CPNE8: variants seen among roughly 807,000 people sequenced by gnomAD.
CPNE8 encodes the protein copine-8.
In CPNE8, 45 loss-of-function variants were observed where a neutral mutation model predicts 81.5. The observed-to-expected ratio is 0.55, with a 90% confidence interval of 0.44 to 0.71. The LOEUF (loss-of-function observed/expected upper bound fraction) is 0.71. Ranked by LOEUF, CPNE8 falls within the 30% of genes least tolerant of loss-of-function variation. The pLI is 0.00. For synonymous variants in CPNE8, 252 were observed against 226.3 expected (o/e 1.11, Z -1.02); for missense variants, 594 against 672.1 (o/e 0.88, Z 1.28).
intron 5 of CPNE8, among the ~76,000 whole-genome samples, chr12:38,838,649 C>T (rs1943422290): frequency 6.6e-6 from 1 of 152,114 alleles, no homozygotes. Context: ...GGTGGCATGG[C>T]AATCACAATG....
intron 6 of CPNE8, among the ~76,000 whole-genome samples, chr12:38,818,193 G>T (rs1211609361): frequency 6.6e-6 from 1 of 152,006 alleles, no homozygotes; most frequent in Non-Finnish European, 1.5e-5. Flanking sequence ...GTGCAGGTTT[G>T]TTACACGGTG....
At chr12:38,795,954 T>A (rs1942459063) in intron 6 of CPNE8, among the ~76,000 whole-genome samples, 1 of 152,052 alleles carries the variant, frequency 6.6e-6, no homozygotes, top group South Asian at 2.1e-4. Context: ...TACAAGACTG[T>A]GTAACATTTT....
At chr12:38,856,092 C>T (rs1423470883) in intron 3 of CPNE8, among the ~76,000 whole-genome samples, 1 of 151,792 alleles carries the variant, frequency 6.6e-6, no homozygotes, top group Admixed American at 6.6e-5. Context: ...AATTGAATAA[C>T]CCAGAAGAAA....
At position 38,805,673 on chromosome 12, in the gene CPNE8, A is replaced by G. The variant is rs1298015187; in HGVS notation, c.407+23706T>C. Among the ~76,000 whole-genome samples the G allele has an allele frequency of 1.7e-4, 6 of 35,820 alleles. No homozygotes were observed. The East Asian group carries it at 0.011, about 64-fold the overall frequency. 23.5% of individuals were successfully genotyped at this position (35,820 alleles called of 152,430 possible). A position where few individuals can be genotyped will look rare whatever the true frequency, so the allele number is the denominator to read the frequency against. ...ACTTAGAGTATAATAAAAAAAAAAA[A>G]CATTAAAAAAAAAAAAAAGAACTAG... On this transcript the variant is annotated intron_variant, in intron 6 of 19. Transcript: ENST00000331366.
chr12:38,833,479 C>CTTTTT lies in CPNE8; in HGVS notation c.331-4029_331-4025dup, dbSNP rs543470951. Reference sequence around the variant, plus strand: ...TAGATGATCAGTGACTGAAATTAACCTTTTTTTTTTTTTTTTGAGACGGGA... The same window carrying CTTTTT: ...TAGATGATCAGTGACTGAAATTAACCTTTTTTTTTTTTTTTTTTTTTGAGACGGGA... On this transcript the variant is annotated intron_variant, in intron 5 of 19. Coordinates refer to ENST00000331366, the MANE Select transcript of CPNE8 (RefSeq NM_153634.3). 7.7e-5 allele frequency among the ~76,000 whole-genome samples: 10 copies of CTTTTT among 130,714 alleles called. 1 individual carries two copies. The highest frequency in any genetic ancestry group is 9.5e-5 in the Non-Finnish European group (6 of 63,338). 85.8% of individuals were successfully genotyped at this position (130,714 alleles called of 152,430 possible).
chr12:38,676,362 TA>T, intron 17 of CPNE8: 1 of 938,466 alleles, frequency 1.1e-6, no homozygotes, highest in Non-Finnish European at 1.3e-6. Context: ...AAGGAGCATC[TA>T]CTTCCACTTT....
At chr12:38,906,111 T>C, upstream of CPNE8, 2 of 986,136 alleles carry the variant, frequency 2.0e-6, no homozygotes, top group Non-Finnish European at 2.4e-6. Flanking sequence ...TGCCCCGTTA[T>C]AAGGTCCCCC....
chr12:38,730,465 T>C, intron 10 of CPNE8, 107 bp from the exon 11 acceptor site: 2 of 530,790 alleles, frequency 3.8e-6, no homozygotes, highest in Non-Finnish European at 6.6e-6. Context: ...TGCTTGATAT[T>C]ATTATGAATA....
At chr12:38,847,317 A>AAATT (rs1943575665) in intron 4 of CPNE8, among the ~76,000 whole-genome samples, 1 of 152,186 alleles carries the variant, frequency 6.6e-6, no homozygotes, top group South Asian at 2.1e-4. Context: ...TTAAGCAGGA[A>AAATT]AAATTAAGAG....
At chr12:38,766,885 A>T (rs1941702769) in intron 8 of CPNE8, among the ~76,000 whole-genome samples, 1 of 152,156 alleles carries the variant, frequency 6.6e-6, no homozygotes, top group Non-Finnish European at 1.5e-5. Flanking sequence ...TCTGATCAAC[A>T]ACCCTGTGAG....
At chr12:38,850,945 G>A (rs1313233283) in intron 3 of CPNE8, among the ~76,000 whole-genome samples, 2 of 152,194 alleles carry the variant, frequency 1.3e-5, no homozygotes, top group African/African-American at 4.8e-5. Context: ...CATTTAAGAA[G>A]TGATTAGGCC....
intron 4 of CPNE8, among the ~76,000 whole-genome samples, chr12:38,847,009 A>T (rs1943569043): frequency 1.3e-5 from 2 of 152,092 alleles, no homozygotes; most frequent in South Asian, 4.1e-4. Flanking sequence ...AAAGGAAAAT[A>T]TATTTATTGC....
intron 13 of CPNE8, among the ~76,000 whole-genome samples, chr12:38,704,125 G>A (rs975308467): frequency 9.2e-5 from 14 of 152,156 alleles, no homozygotes; most frequent in Non-Finnish European, 1.8e-4. Context: ...AGGGTGGCTT[G>A]AGGGCTGAAA....
At chr12:38,718,760 T>G (rs1940474544) in intron 13 of CPNE8, among the ~76,000 whole-genome samples, 1 of 152,222 alleles carries the variant, frequency 6.6e-6, no homozygotes, top group South Asian at 2.1e-4. Flanking sequence ...AAATGCCATG[T>G]ACCATGTATT....
chr12:38,797,202 C>T (rs978006082), intron 6 of CPNE8, among the ~76,000 whole-genome samples: 9 of 152,190 alleles, frequency 5.9e-5, no homozygotes, highest in African/African-American at 9.7e-5. Flanking sequence ...CAGTGGTTCT[C>T]CCAGCACTCA....
chr12:38,837,171 A>G (rs1010414498), intron 5 of CPNE8, among the ~76,000 whole-genome samples: 3 of 152,182 alleles, frequency 2.0e-5, no homozygotes, highest in Non-Finnish European at 2.9e-5. Flanking sequence ...GGGAAAGAAG[A>G]AGGCAGAAAG....
intron 3 of CPNE8, among the ~76,000 whole-genome samples, chr12:38,858,393 G>A (rs1469717235): frequency 6.6e-6 from 1 of 152,216 alleles, no homozygotes; most frequent in African/African-American, 2.4e-5. Flanking sequence ...TAAAGTGTCA[G>A]TCTACAGCAA....
intron 6 of CPNE8, among the ~76,000 whole-genome samples, chr12:38,824,990 G>C (rs557111443): frequency 1.3e-5 from 2 of 152,256 alleles, no homozygotes; most frequent in South Asian, 4.1e-4. Flanking sequence ...TCTTTAACCA[G>C]ACGGTTAAAG....
At chr12:38,815,351 G>C (rs892789493) in intron 6 of CPNE8, among the ~76,000 whole-genome samples, 1 of 151,694 alleles carries the variant, frequency 6.6e-6, no homozygotes, top group Non-Finnish European at 1.5e-5. Flanking sequence ...CACCTTTTAC[G>C]CTGAGTAGAT....
Sources: gnomAD v4.1 joint callset for allele counts (sites outside exome capture counted in the v4.1 genomes callset) on GRCh38, gnomAD v4.1.1 for gene constraint, MANE v1.5 for transcripts, NCBI Gene and HGNC (gene_info 2026-07-23, HGNC 2026-07-21) for gene names.